The following ESF1 variants were observed in gnomAD, a reference collection of about 807,000 sequenced individuals.
ESF1 encodes ESF1 homolog.
In ESF1, 58 loss-of-function variants were observed where a neutral mutation model predicts 92.0. The ratio of observed to expected loss-of-function variants is 0.63; its 90% CI spans 0.51 to 0.78. The LOEUF (loss-of-function observed/expected upper bound fraction) is 0.78, where lower values mean the gene tolerates loss of function less well. ESF1 is among the 30% of genes least tolerant of loss of function. ESF1 has a pLI of 0.00. For synonymous variants in ESF1, 321 were observed against 313.7 expected, an observed-to-expected ratio of 1.02 and a Z score of -0.24; for missense variants, 922 against 989.1, an observed-to-expected ratio of 0.93 and a Z score of 0.91.
chr20:13,760,818 G>A lies in ESF1; in HGVS notation c.1667-965C>T, dbSNP rs368098190. Among the ~76,000 whole-genome samples the A allele has an allele frequency of 6.7e-5, 10 of 149,926 alleles. No homozygotes were observed. In the East Asian group the frequency reaches 1.4e-3, roughly 21 times the overall value. On this transcript the variant is annotated intron_variant, in intron 8 of 13. Coordinates refer to ENST00000617257, the MANE Select transcript of ESF1 (RefSeq NM_001276380.2). ...TGGGAGGTGAGGGGTGCCTCTGCCC[G>A]GCCGCCCCTACTGGGAAGTGAGGAG...
chr20:13,767,889 T>A (rs1979500451), intron 7 of ESF1, among the ~76,000 whole-genome samples: 1 of 152,156 alleles, frequency 6.6e-6, no homozygotes, highest in Non-Finnish European at 1.5e-5. Flanking sequence ...CTGCCACCTG[T>A]CTCAGAAATT....
At chr20:13,718,862 T>C (rs369732124) in intron 12 of ESF1, 46 bp downstream of exon 12, 7 of 1,402,470 alleles carry the variant, frequency 5.0e-6, no homozygotes, top group African/African-American at 1.4e-5. Context: ...ATTTAAATTG[T>C]ACCTATGAAT....
intron 13 of ESF1, among the ~76,000 whole-genome samples, chr20:13,717,043 TC>T (rs1416473668): frequency 6.6e-6 from 1 of 151,886 alleles, no homozygotes; most frequent in Non-Finnish European, 1.5e-5. Flanking sequence ...GGTCTTGACC[TC>T]CTGACCTCGT....
chr20:13,728,353 A>G, intron 11 of ESF1, 25 bp downstream of exon 11: 4 of 1,560,994 alleles, frequency 2.6e-6, no homozygotes, highest in Non-Finnish European at 3.5e-6. Context: ...TTCCAGTTGA[A>G]AACTACAGAT....
intron 11 of ESF1, among the ~76,000 whole-genome samples, chr20:13,724,455 T>C (rs2049888240): frequency 6.6e-6 from 1 of 152,120 alleles, no homozygotes; most frequent in African/African-American, 2.4e-5. Context: ...GGGAATCCAT[T>C]TCCCTGAGGT....
chr20:13,725,006 C>T (rs1437315974), intron 11 of ESF1, among the ~76,000 whole-genome samples: 1 of 152,208 alleles, frequency 6.6e-6, no homozygotes, highest in African/African-American at 2.4e-5. Flanking sequence ...GCCTGGCCTT[C>T]AAATTTATAC....
intron 2 of ESF1, among the ~76,000 whole-genome samples, chr20:13,781,899 C>CA (rs1245361366): frequency 6.6e-6 from 1 of 152,124 alleles, no homozygotes; most frequent in Non-Finnish European, 1.5e-5. Flanking sequence ...ACTTTTGAGA[C>CA]AGAGTCTCGC....
At chr20:13,733,943 T>C (rs1340578266) in intron 9 of ESF1, 101 bp from the exon 10 acceptor site, 71 of 1,339,528 alleles carry the variant, frequency 5.3e-5, no homozygotes, top group Non-Finnish European at 6.5e-5. Context: ...GCATATTTAA[T>C]AGAGTAACAA....
At chr20:13,718,729 T>TA (rs979937432) in intron 12 of ESF1, among the ~76,000 whole-genome samples, 179 bp downstream of exon 12, 19 of 141,500 alleles carry the variant, frequency 1.3e-4, no homozygotes, top group Non-Finnish European at 2.5e-4. Context: ...TTATGTTTGG[T>TA]AAAAAAAACA....
At chr20:13,782,405 A>C (rs534692513) in intron 2 of ESF1, 99 bp downstream of exon 2, 3 of 1,025,646 alleles carry the variant, frequency 2.9e-6, no homozygotes, top group Non-Finnish European at 4.1e-6. Context: ...CCATTCCATA[A>C]TACTATGAAA....
In ESF1 at chr20:13,759,658, G is replaced by A. The variant is rs201910086; in HGVS notation, c.1828+34C>T. On this transcript the variant is annotated intron_variant, in intron 9 of 13. Coordinates refer to ENST00000617257, the MANE Select transcript of ESF1 (RefSeq NM_001276380.2). ...AAAGGTACTCAACATGCTGAAATTC[G>A]AAAAAGAGAAAACATTTAGTATCTA... 201 of 1,561,146 alleles carry A rather than the reference G, an allele frequency of 1.3e-4. No homozygotes were observed. In the South Asian group the frequency reaches 1.7e-3, roughly 13 times the overall value.
intron 9 of ESF1, among the ~76,000 whole-genome samples, chr20:13,749,232 A>ATTTTTTTTTTTTTTTTTTT (rs71188184): frequency 2.2e-5 from 2 of 89,664 alleles, no homozygotes; most frequent in Non-Finnish European, 4.1e-5. Flanking sequence ...TGCCCGGCTA[A>ATTTTTTTTTTTTTTTTTTT]TTTTTTTTTT....
intron 8 of ESF1, among the ~76,000 whole-genome samples, chr20:13,761,283 CT>C: frequency 6.6e-6 from 1 of 151,756 alleles, no homozygotes; most frequent in South Asian, 2.1e-4. Context: ...AACCAGAGAT[CT>C]TTGTTCACTT....
intron 4 of ESF1, 71 bp downstream of exon 4, chr20:13,775,082 CAAAA>C (rs67609153): frequency 2.3e-3 from 1,660 of 729,254 alleles, no homozygotes; most frequent in South Asian, 6.1e-3. Flanking sequence ...AAACTATGGC[CAAAA>C]AAAAAAAAAA....
chr20:13,725,339 A>G (rs1407123174), intron 11 of ESF1, among the ~76,000 whole-genome samples: 1 of 152,198 alleles, frequency 6.6e-6, no homozygotes, highest in African/African-American at 2.4e-5. Context: ...AACAATCCCA[A>G]GGGAAAGAAA....
intron 9 of ESF1, among the ~76,000 whole-genome samples, chr20:13,748,501 TATACAC>T (rs1245764678): frequency 2.1e-4 from 30 of 141,798 alleles, no homozygotes; most frequent in African/African-American, 7.3e-4. Context: ...TATATACATA[TATACAC>T]ATATATATAC....
intron 5 of ESF1, 116 bp downstream of exon 5, chr20:13,772,399 T>C: frequency 1.4e-6 from 1 of 732,502 alleles, no homozygotes; most frequent in Non-Finnish European, 2.3e-6. Flanking sequence ...GCAACCTGTT[T>C]TAACCACGAA....
intron 11 of ESF1, among the ~76,000 whole-genome samples, chr20:13,725,118 G>A (rs546173177): frequency 6.6e-6 from 1 of 152,208 alleles, no homozygotes; most frequent in East Asian, 1.9e-4. Flanking sequence ...CCTGCACCCT[G>A]CCCCCTCCAG....
At chr20:13,776,351 TC>T (rs1979942493) in intron 2 of ESF1, 81 bp from the exon 3 acceptor site, 1 of 1,301,766 alleles carries the variant, frequency 7.7e-7, no homozygotes, top group Non-Finnish European at 1.0e-6. Flanking sequence ...TGACATCAAC[TC>T]CAGTAAAAAT....
Sources: allele counts gnomAD v4.1 joint callset (sites outside exome capture counted in the v4.1 genomes callset), GRCh38; gene constraint gnomAD v4.1.1; transcripts MANE v1.5; gene names NCBI Gene and HGNC (gene_info 2026-07-23, HGNC 2026-07-21).